WDR27: variants seen among roughly 807,000 people sequenced by gnomAD.
The protein encoded by WDR27 is WD repeat domain 27.
WDR27 carries 100 observed loss-of-function variants against 114.4 expected under a neutral mutation model. The ratio of observed to expected loss-of-function variants is 0.87; its 90% CI spans 0.74 to 1.03. The LOEUF is 1.03. Among genes scored for constraint, WDR27 ranks in the 50% least tolerant of loss-of-function variants. WDR27 has a pLI of 0.00. For missense variants in WDR27, 1,129 were observed against 1,092.9 expected (o/e 1.03, Z -0.47); for synonymous variants, 449 against 423.1 (o/e 1.06, Z -0.75).
intron 2 of WDR27, among the ~76,000 whole-genome samples, chr6:169,675,295 C>G (rs1779802166): frequency 1.3e-5 from 2 of 152,146 alleles, no homozygotes; most frequent in Admixed American, 6.5e-5. Context: ...GGTACCTCCC[C>G]CCATGCCTTG....
At chr6:169,683,802 A>C (rs1028869651) in intron 2 of WDR27, among the ~76,000 whole-genome samples, 4 of 152,212 alleles carry the variant, frequency 2.6e-5, no homozygotes, top group African/African-American at 9.7e-5. Flanking sequence ...AGTCTTTACA[A>C]CAGGAGAATC....
intron 21 of WDR27, among the ~76,000 whole-genome samples, chr6:169,632,189 C>CAAAAAAA (rs1012298678): frequency 1.6e-5 from 1 of 63,898 alleles, no homozygotes; most frequent in Non-Finnish European, 3.3e-5. Context: ...GACTCTGTCT[C>CAAAAAAA]AAAAAAAAAA....
chr6:169,691,369 T>G (rs1043802192), intron 1 of WDR27, among the ~76,000 whole-genome samples: 5 of 152,208 alleles, frequency 3.3e-5, no homozygotes, highest in African/African-American at 1.2e-4. Flanking sequence ...TTTTTTTTAA[T>G]ATTTGCAAAG....
At chr6:169,564,071 C>T (rs1387577186) in intron 25 of WDR27, among the ~76,000 whole-genome samples, 1 of 152,226 alleles carries the variant, frequency 6.6e-6, no homozygotes, top group Non-Finnish European at 1.5e-5. Context: ...GTCCCAAAAC[C>T]TCAAAAGTAG....
chr6:169,582,222 G>A (rs746295699), intron 24 of WDR27, among the ~76,000 whole-genome samples: 2 of 152,208 alleles, frequency 1.3e-5, no homozygotes, highest in South Asian at 2.1e-4. Flanking sequence ...TGATTCACCC[G>A]CCTCGGCCTC....
chr6:169,452,639 G>A (rs1185464178), downstream of WDR27, among the ~76,000 whole-genome samples: 1 of 152,184 alleles, frequency 6.6e-6, no homozygotes, highest in East Asian at 1.9e-4. Flanking sequence ...CAGGAGGAGG[G>A]CAAGGCGGAG....
At chr6:169,679,044 C>T (rs1022506401) in intron 2 of WDR27, among the ~76,000 whole-genome samples, 1 of 151,930 alleles carries the variant, frequency 6.6e-6, no homozygotes, top group Non-Finnish European at 1.5e-5. Context: ...TCCTTTCTAT[C>T]GATCTCAGAT....
At chr6:169,447,918 C>T in the WDR27 span, among the ~76,000 whole-genome samples, 2 of 152,158 alleles carry the variant, frequency 1.3e-5, no homozygotes, top group Non-Finnish European at 2.9e-5. Context: ...GGATTTTATA[C>T]TTACTTCCCT....
intron 25 of WDR27, among the ~76,000 whole-genome samples, chr6:169,530,507 A>G (rs909351020): frequency 6.6e-6 from 1 of 152,186 alleles, no homozygotes; most frequent in African/African-American, 2.4e-5. Flanking sequence ...TCTGCTCCTC[A>G]GTATGCATGA....
At chr6:169,651,817 T>A (rs1822650237) in intron 14 of WDR27, 113 bp downstream of exon 14, 15 of 892,248 alleles carry the variant, frequency 1.7e-5, no homozygotes, top group Non-Finnish European at 2.6e-5. Context: ...TATTGCTATG[T>A]CCTCTCTCCA....
At chr6:169,655,112 T>C in intron 13 of WDR27, among the ~76,000 whole-genome samples, 1 of 152,250 alleles carries the variant, frequency 6.6e-6, no homozygotes, top group Admixed American at 6.5e-5. Context: ...CTGTCTTCGC[T>C]GTTGCCTGGG....
At chr6:169,656,797 T>G (rs1214722561) in intron 13 of WDR27, among the ~76,000 whole-genome samples, 1 of 152,232 alleles carries the variant, frequency 6.6e-6, no homozygotes, top group Non-Finnish European at 1.5e-5. Context: ...TTCTCTGCTA[T>G]AGTGTCTTTT....
At chr6:169,626,990 A>G (rs1297168991) in intron 21 of WDR27, among the ~76,000 whole-genome samples, 1 of 152,160 alleles carries the variant, frequency 6.6e-6, no homozygotes, top group South Asian at 2.1e-4. Context: ...TCCTGACAGC[A>G]CATTTCTCAT....
chr6:169,445,809 C>G, the WDR27 span, among the ~76,000 whole-genome samples: 1 of 152,236 alleles, frequency 6.6e-6, no homozygotes, highest in Non-Finnish European at 1.5e-5. Context: ...AGGCGGTGCT[C>G]CCAGCTCTCG....
At chr6:169,553,151 T>C (rs929997290) in intron 25 of WDR27, among the ~76,000 whole-genome samples, 3 of 151,254 alleles carry the variant, frequency 2.0e-5, no homozygotes, top group Non-Finnish European at 2.9e-5. Context: ...ACCAGAGCAC[T>C]GTGGGACAGC....
At chr6:169,647,597 G>C (rs148070031) in intron 16 of WDR27, 176 bp downstream of exon 16, 3 of 696,792 alleles carry the variant, frequency 4.3e-6, no homozygotes, top group Non-Finnish European at 5.1e-6. Context: ...CACTACAGTC[G>C]AGTGAAACGC....
At chr6:169,511,627 A>G (rs1401539266) in intron 25 of WDR27, among the ~76,000 whole-genome samples, 2 of 152,170 alleles carry the variant, frequency 1.3e-5, no homozygotes, top group East Asian at 3.9e-4. Context: ...CTCTAAGTAC[A>G]TACATAATAT....
chr6:169,461,857 A>T (rs1370990074), intron 25 of WDR27, among the ~76,000 whole-genome samples: 4 of 152,022 alleles, frequency 2.6e-5, no homozygotes, highest in Non-Finnish European at 5.9e-5. Context: ...GAAATTAAGA[A>T]ACCTCTAACT....
chr6:169,578,020 A>G (rs992869916), intron 24 of WDR27, among the ~76,000 whole-genome samples: 1 of 151,944 alleles, frequency 6.6e-6, no homozygotes, highest in East Asian at 1.9e-4. Flanking sequence ...CTCCCCAACC[A>G]TCTTCACCCA....
Sources: allele counts gnomAD v4.1 joint callset (sites outside exome capture counted in the v4.1 genomes callset), GRCh38; gene constraint gnomAD v4.1.1; transcripts MANE v1.5; gene names NCBI Gene and HGNC (gene_info 2026-07-23, HGNC 2026-07-21).